Variants in NMT2 observed in about 807,000 individuals in gnomAD.
NMT2 encodes the protein N-myristoyltransferase 2.
In NMT2, 35 loss-of-function variants were observed where a neutral mutation model predicts 65.4. The observed-to-expected ratio is 0.54, with a 90% confidence interval of 0.41 to 0.71. The LOEUF (loss-of-function observed/expected upper bound fraction) is 0.71. Among genes scored for constraint, NMT2 ranks in the 30% least tolerant of loss-of-function variants. The probability of loss-of-function intolerance (pLI) is 0.00; values close to 1 mark genes in which losing one functional copy is unlikely to be tolerated. For synonymous variants in NMT2, 226 were observed against 231.8 expected, an observed-to-expected ratio of 0.98 and a Z score of 0.23; for missense variants, 489 against 611.3, an observed-to-expected ratio of 0.80 and a Z score of 2.11.
At chr10:15,112,177 TATA>T (rs1845544307) in intron 10 of NMT2, among the ~76,000 whole-genome samples, 2 of 7,956 alleles carry the variant, frequency 2.5e-4, no homozygotes, top group African/African-American at 1.2e-3. Flanking sequence ...ATGGGCTTTA[TATA>T]TATATATATA....
At chr10:15,127,701 G>A (rs1846142745) in intron 8 of NMT2, among the ~76,000 whole-genome samples, 1 of 151,096 alleles carries the variant, frequency 6.6e-6, no homozygotes, top group Non-Finnish European at 1.5e-5. Flanking sequence ...TCAGGAGTCT[G>A]AGGCCAGCCT....
At chr10:15,146,672 A>G (rs1846975833) in intron 1 of NMT2, among the ~76,000 whole-genome samples, 1 of 152,204 alleles carries the variant, frequency 6.6e-6, no homozygotes, top group Non-Finnish European at 1.5e-5. Flanking sequence ...CTCCCTCACC[A>G]TCGTCAGAAC....
intron 1 of NMT2, among the ~76,000 whole-genome samples, chr10:15,166,503 C>T (rs1833381796): frequency 6.6e-6 from 1 of 152,224 alleles, no homozygotes; most frequent in Non-Finnish European, 1.5e-5. Context: ...AAATAAAACA[C>T]ATTTACTCCC....
intron 7 of NMT2, 61 bp downstream of exon 7, chr10:15,130,081 G>T: frequency 7.8e-7 from 1 of 1,277,632 alleles, no homozygotes; most frequent in Non-Finnish European, 1.0e-6. Context: ...TAGCAGAACA[G>T]TGGTGAGGCT....
chr10:15,135,468 T>TAAA, intron 2 of NMT2, 50 bp from the exon 3 acceptor site: 1 of 1,598,180 alleles, frequency 6.3e-7, no homozygotes. Flanking sequence ...CTGCTGATGT[T>TAAA]AAACTTGAGC....
rs750859200 is a variant in NMT2 at position 15,161,081 on chromosome 10, C to CAAAAAAAAAAAAAAA, written c.110+7407_110+7421dup. Among the ~76,000 whole-genome samples the CAAAAAAAAAAAAAAA allele has an allele frequency of 3.5e-3, 67 of 19,288 alleles. 3 individuals are homozygous for CAAAAAAAAAAAAAAA. The highest frequency in any genetic ancestry group is 4.0e-3 in the Non-Finnish European group (45 of 11,158). The allele number at this position is 19,288 out of a possible 152,430, so 12.7% of individuals were successfully genotyped here. A position where few individuals can be genotyped will look rare whatever the true frequency, so the allele number is the denominator to read the frequency against. ...CAGAGCGAGACTCTGCCTCAAAAAT[C>CAAAAAAAAAAAAAAA]AAAAAAAAAAAAAAAAAAAAAAAAA... On this transcript the variant is annotated intron_variant, in intron 1 of 11. Transcript: ENST00000378165.
chr10:15,128,070 A>G (rs1846157688), intron 8 of NMT2, among the ~76,000 whole-genome samples: 1 of 152,174 alleles, frequency 6.6e-6, no homozygotes, highest in Non-Finnish European at 1.5e-5. Flanking sequence ...TACTTAACAG[A>G]CCATAAATTT....
rs1370739953 is a variant in NMT2, at chr10:15,132,751, C to G, written c.719+66G>C. 8.2e-6 allele frequency: 10 copies of G among 1,219,192 alleles called. No homozygotes were observed. In the East Asian group the frequency reaches 2.3e-4, roughly 29 times the overall value. 75.5% of individuals were successfully genotyped at this position (1,219,192 alleles called of 1,614,324 possible). Reference sequence around the variant, plus strand: ...CCTGCATTCAGTAACTTTTAAAGGCCTAATCTAATTGTAATTCTTAGAAAA... The same window carrying G: ...CCTGCATTCAGTAACTTTTAAAGGCGTAATCTAATTGTAATTCTTAGAAAA... On this transcript the variant is annotated intron_variant, in intron 6 of 11. Coordinates refer to ENST00000378165, the MANE Select transcript of NMT2 (RefSeq NM_004808.3).
chr10:15,106,019 G>A lies in NMT2; in HGVS notation c.*3176C>T, dbSNP rs889317307. 3.4e-5 allele frequency: 14 copies of A among 416,722 alleles called. No individual in the cohort carries two copies. The highest frequency in any genetic ancestry group is 5.2e-5 in the Non-Finnish European group (11 of 212,006). The allele number at this position is 416,722 out of a possible 1,614,324, so 25.8% of individuals were successfully genotyped here. On this transcript the variant is annotated 3_prime_UTR_variant, in exon 12 of 12. Transcript: ENST00000378165. ...AGTTATTTATTTTACTTTCGAGATA[G>A]AGTCTCACTCTGTTGCCCAGGCTGG...
chr10:15,112,609 T>C (rs1025205609), intron 10 of NMT2, among the ~76,000 whole-genome samples, 187 bp downstream of exon 10: 1 of 152,174 alleles, frequency 6.6e-6, no homozygotes, highest in Non-Finnish European at 1.5e-5. Flanking sequence ...AAATTAATGA[T>C]GAAAATAGCC....
intron 1 of NMT2, among the ~76,000 whole-genome samples, chr10:15,149,055 C>G (rs891507957): frequency 1.3e-5 from 2 of 152,046 alleles, no homozygotes; most frequent in African/African-American, 4.8e-5. Flanking sequence ...CTGCCACCAC[C>G]ACCGCCACCA....
At chr10:15,146,917 A>AC (rs1192827558) in intron 1 of NMT2, among the ~76,000 whole-genome samples, 1 of 151,490 alleles carries the variant, frequency 6.6e-6, no homozygotes, top group Non-Finnish European at 1.5e-5. Flanking sequence ...ACACAGAAAG[A>AC]CCCCCATCTC....
chr10:15,107,608 C>T lies in NMT2; in HGVS notation c.*1587G>A, dbSNP rs1426694602. The T allele has an allele frequency of 3.5e-5, 15 of 423,080 alleles. No homozygotes were observed. Among genetic ancestry groups the T allele is most frequent in the Non-Finnish European group, 4.1e-5 (13 of 316,394 alleles). 26.2% of individuals were successfully genotyped at this position (423,080 alleles called of 1,614,324 possible). On this transcript the variant is annotated 3_prime_UTR_variant, in exon 12 of 12. Coordinates refer to ENST00000378165, the MANE Select transcript of NMT2 (RefSeq NM_004808.3). Reference sequence around the variant, plus strand: ...CTGGGATTACAGGCACCCGCCACCACACCCAGCTAGTTCTTTTTGAATTTT... The same window carrying T: ...CTGGGATTACAGGCACCCGCCACCATACCCAGCTAGTTCTTTTTGAATTTT...
Position 15,141,420 on chromosome 10 carries a change from A to G in NMT2, c.246+2T>C. 1 of 1,613,848 alleles carries G rather than the reference A, an allele frequency of 6.2e-7. No homozygotes were observed. Among genetic ancestry groups the G allele is most frequent in the Non-Finnish European group, 8.5e-7 (1 of 1,179,958 alleles). On this transcript the variant is annotated splice_donor_variant, in intron 2 of 11. Coordinates refer to ENST00000378165, the MANE Select transcript of NMT2 (RefSeq NM_004808.3). LOFTEE classifies it high-confidence loss of function. ...GAGGAAAAAATAAAACAGAGCTCTC[A>G]CTTTCGAAGGCTGCTGAATTTTAAT... is the stretch of plus-strand genomic sequence containing the variant.
intron 2 of NMT2, among the ~76,000 whole-genome samples, chr10:15,140,663 G>A (rs577089872): frequency 6.8e-4 from 103 of 152,014 alleles, no homozygotes; most frequent in Non-Finnish European, 1.0e-3. Flanking sequence ...GACTACAGGC[G>A]TGAGCCACCG....
intron 1 of NMT2, chr10:15,154,779 T>C (rs1413842414): frequency 4.3e-6 from 3 of 705,268 alleles, no homozygotes; most frequent in African/African-American, 1.7e-5. Flanking sequence ...GTGGTTAAGA[T>C]AAAACACAAG....
At chr10:15,164,682 G>C (rs1252928697) in intron 1 of NMT2, among the ~76,000 whole-genome samples, 2 of 152,190 alleles carry the variant, frequency 1.3e-5, no homozygotes, top group Non-Finnish European at 2.9e-5. Context: ...AGCAAAATGA[G>C]GGAAGTATTA....
chr10:15,133,613 G>T (rs1258371386), intron 3 of NMT2, among the ~76,000 whole-genome samples: 3 of 152,078 alleles, frequency 2.0e-5, no homozygotes, highest in African/African-American at 7.3e-5. Flanking sequence ...TTGAGACGGG[G>T]TCTCACTCTG....
At chr10:15,109,678 A>G in intron 11 of NMT2, 24 bp downstream of exon 11, 2 of 1,549,664 alleles carry the variant, frequency 1.3e-6, no homozygotes, top group Non-Finnish European at 1.7e-6. Flanking sequence ...TTGAGTTTAC[A>G]AGGGCTATAT....
Sources: gnomAD v4.1 joint callset for allele counts (sites outside exome capture counted in the v4.1 genomes callset) on GRCh38, gnomAD v4.1.1 for gene constraint, MANE v1.5 for transcripts, NCBI Gene and HGNC (gene_info 2026-07-23, HGNC 2026-07-21) for gene names.